ODAD4: variants seen among roughly 807,000 people sequenced by gnomAD.
The protein encoded by ODAD4 is outer dynein arm docking complex subunit 4, also known as outer dynein arm-docking complex subunit 4.
In ODAD4, 49 loss-of-function variants were observed where a neutral mutation model predicts 51.8. That is an observed-to-expected ratio of 0.95 (90% CI 0.75 to 1.20). The LOEUF is 1.20. Among genes scored for constraint, ODAD4 ranks in the 50% most tolerant of loss-of-function variants. The pLI, the probability that ODAD4 is intolerant of heterozygous loss-of-function variation, is 0.00. For missense variants in ODAD4, 590 were observed against 586.5 expected (o/e 1.01, Z -0.06); for synonymous variants, 235 against 221.3 (o/e 1.06, Z -0.55).
chr17:41,937,012 T>C, intron 5 of ODAD4, 85 bp downstream of exon 5: 2 of 1,471,890 alleles, frequency 1.4e-6, no homozygotes, highest in Non-Finnish European at 1.9e-6. Context: ...GCAGAACCTG[T>C]CATATAATAT....
At chr17:41,933,926 C>T (rs2050386042) in intron 1 of ODAD4, among the ~76,000 whole-genome samples, 1 of 151,664 alleles carries the variant, frequency 6.6e-6, no homozygotes, top group African/African-American at 2.4e-5. Flanking sequence ...GGGATATTGC[C>T]CTCAACCCCA....
intron 8 of ODAD4, among the ~76,000 whole-genome samples, chr17:41,945,825 C>A (rs555130114): frequency 6.6e-6 from 1 of 152,192 alleles, no homozygotes; most frequent in South Asian, 2.1e-4. Flanking sequence ...CGCTTGAACC[C>A]GGAAGGCGGA....
intron 10 of ODAD4, 89 bp from the exon 11 acceptor site, chr17:41,961,293 G>C (rs966272593): frequency 4.4e-6 from 3 of 685,236 alleles, no homozygotes; most frequent in Admixed American, 4.4e-5. Flanking sequence ...GTTCCCACCA[G>C]AGCCCTGCCT....
intron 1 of ODAD4, 122 bp from the exon 2 acceptor site, chr17:41,935,095 A>T: frequency 8.5e-7 from 1 of 1,181,690 alleles, no homozygotes; most frequent in Non-Finnish European, 1.2e-6. Context: ...GATTCTTCAG[A>T]GCCTTGATTT....
Position 41,930,641 on chromosome 17 carries a change from A to T in ODAD4, c.-83A>T. ...CGCTGTACATCTCATGGTTGCTAAG[A>T]AACGGAGCTTCCACAAACCAGATAG... is the stretch of plus-strand genomic sequence containing the variant. On this transcript the variant is annotated 5_prime_UTR_variant, in exon 1 of 12. The change creates a premature stop within an existing upstream ORF in the 5' untranslated region. Transcript: ENST00000377540. The T allele has an allele frequency of 1.1e-6, 1 of 910,606 alleles. No individual in the cohort carries two copies. Among genetic ancestry groups the T allele is most frequent in the Non-Finnish European group, 1.7e-6 (1 of 578,372 alleles). The allele number at this position is 910,606 out of a possible 1,614,324, so 56.4% of individuals were successfully genotyped here. A position where few individuals can be genotyped will look rare whatever the true frequency, so the allele number is the denominator to read the frequency against.
At chr17:41,955,461 T>C (rs869229213) in intron 10 of ODAD4, 144 bp downstream of exon 10, 1 of 591,408 alleles carries the variant, frequency 1.7e-6, no homozygotes, top group Non-Finnish European at 3.1e-6. Context: ...AGAGTCTTGC[T>C]CTGTTGCCCA....
chr17:41,966,400 T>C lies in ODAD4; in HGVS notation c.*917T>C, dbSNP rs2050887734. Reference sequence around the variant, plus strand: ...ACCGGAATGCCAGCAAATTGCATGATAATATTTTAATCCAATGTGGTAAAA... The same window carrying C: ...ACCGGAATGCCAGCAAATTGCATGACAATATTTTAATCCAATGTGGTAAAA... On this transcript the variant is annotated 3_prime_UTR_variant, in exon 12 of 12. Coordinates refer to ENST00000377540, the MANE Select transcript of ODAD4 (RefSeq NM_031421.5). 6.6e-6 allele frequency among the ~76,000 whole-genome samples: 1 copy of C among 152,168 alleles called. No individual in the cohort carries two copies.
intron 4 of ODAD4, 85 bp from the exon 5 acceptor site, chr17:41,936,677 A>T: frequency 6.4e-7 from 1 of 1,559,860 alleles, no homozygotes; most frequent in Non-Finnish European, 8.8e-7. Context: ...AGTTGGAGGA[A>T]TCTGGGATCA....
At position 41,961,483 on chromosome 17, in the gene ODAD4, C is replaced by T. The variant is rs372151847; in HGVS notation, c.1528+17C>T. 2 of 721,200 alleles carry T rather than the reference C, an allele frequency of 2.8e-6. No homozygotes were observed. Among genetic ancestry groups the T allele is most frequent in the African/African-American group, 1.7e-5 (1 of 57,334 alleles). 44.7% of individuals were successfully genotyped at this position (721,200 alleles called of 1,614,324 possible). On this transcript the variant is annotated intron_variant, in intron 11 of 11. Coordinates refer to ENST00000377540, the MANE Select transcript of ODAD4 (RefSeq NM_031421.5). ...GCGAGGGAGGTGAGTTCCTGAAACTCTGAAAAGGCAACTTCAGCATTCTCC... is the reference window on the plus strand; with the variant it reads ...GCGAGGGAGGTGAGTTCCTGAAACTTTGAAAAGGCAACTTCAGCATTCTCC...
At chr17:41,930,978 C>T (rs2050325467) in intron 1 of ODAD4, 141 bp downstream of exon 1, 1 of 562,132 alleles carries the variant, frequency 1.8e-6, no homozygotes, top group Non-Finnish European at 3.1e-6. Context: ...GCCGCAACCT[C>T]CGCCTCCCGG....
chr17:41,937,616 G>C (rs1458935774), intron 5 of ODAD4, among the ~76,000 whole-genome samples: 8 of 152,154 alleles, frequency 5.3e-5, no homozygotes, highest in African/African-American at 1.9e-4. Context: ...GACTATAGGC[G>C]CCCACAACCA....
rs1158342629 is a variant in ODAD4 at position 41,944,391 on chromosome 17, T to TAC, written c.1059-692_1059-691dup. ...AAAACAAACAAACCCCAAACACACA[T>TAC]ACACACACACACACACACACACACA... is the stretch of plus-strand genomic sequence containing the variant. On this transcript the variant is annotated intron_variant, in intron 7 of 11. Transcript: ENST00000377540. Among the ~76,000 whole-genome samples the TAC allele has an allele frequency of 2.2e-3, 173 of 78,742 alleles. 1 individual carries two copies. The highest frequency in any genetic ancestry group is 6.3e-3 in the Middle Eastern group (1 of 160). The allele number at this position is 78,742 out of a possible 152,430, so 51.7% of individuals were successfully genotyped here. A position where few individuals can be genotyped will look rare whatever the true frequency, so the allele number is the denominator to read the frequency against.
chr17:41,951,230 G>A (rs1236830774), intron 9 of ODAD4, among the ~76,000 whole-genome samples: 8 of 150,644 alleles, frequency 5.3e-5, no homozygotes, highest in Admixed American at 2.0e-4. Context: ...GATTACAGGC[G>A]TGCGCCACCA....
intron 11 of ODAD4, among the ~76,000 whole-genome samples, chr17:41,964,466 C>A (rs557282513): frequency 1.3e-5 from 2 of 152,154 alleles, no homozygotes; most frequent in Non-Finnish European, 2.9e-5. Context: ...ACAGCCCTCA[C>A]GTGATGCACA....
At chr17:41,953,365 AC>A (rs1243514159) in intron 9 of ODAD4, among the ~76,000 whole-genome samples, 2 of 133,458 alleles carry the variant, frequency 1.5e-5, no homozygotes, top group African/African-American at 5.2e-5. Flanking sequence ...GGCTGTAATG[AC>A]CTTTTAAAGT....
At chr17:41,953,668 TAGAGAG>T (rs781894882) in intron 9 of ODAD4, among the ~76,000 whole-genome samples, 5 of 145,018 alleles carry the variant, frequency 3.4e-5, no homozygotes, top group South Asian at 4.5e-4. Flanking sequence ...TATATATATA[TAGAGAG>T]AGAGAGAGAG....
chr17:41,954,424 C>T (rs71373476), intron 9 of ODAD4, among the ~76,000 whole-genome samples: 3,353 of 152,234 alleles, frequency 0.022, 131 homozygotes, highest in African/African-American at 0.076. Flanking sequence ...GCTTTTTCTA[C>T]GGGTTCAGAT....
Position 41,939,254 on chromosome 17 carries a change from T to C in ODAD4, c.1058+82T>C. On this transcript the variant is annotated intron_variant, in intron 7 of 11. Coordinates refer to ENST00000377540, the MANE Select transcript of ODAD4 (RefSeq NM_031421.5). ...TATCTGAGGCCCTTGCCAGGGCTGC[T>C]GGTGGCTTGACTCCCATTTTCTGCT... 1.5e-6 allele frequency: 2 copies of C among 1,368,150 alleles called. 1 individual carries two copies. Among genetic ancestry groups the C allele is most frequent in the South Asian group, 3.0e-5 (2 of 67,774 alleles). The allele number at this position is 1,368,150 out of a possible 1,614,324, so 84.8% of individuals were successfully genotyped here.
At chr17:41,953,367 C>A (rs1202846963) in intron 9 of ODAD4, among the ~76,000 whole-genome samples, 1 of 120,254 alleles carries the variant, frequency 8.3e-6, no homozygotes, top group Non-Finnish European at 1.8e-5. Flanking sequence ...CTGTAATGAC[C>A]TTTTAAAGTC....
Sources: gnomAD v4.1 joint callset for allele counts (sites outside exome capture counted in the v4.1 genomes callset) on GRCh38, gnomAD v4.1.1 for gene constraint, MANE v1.5 for transcripts, NCBI Gene and HGNC (gene_info 2026-07-23, HGNC 2026-07-21) for gene names.